The following CUL1 variants were observed in gnomAD, a reference collection of about 807,000 sequenced individuals.
CUL1 encodes cullin 1.
Under a neutral mutation model 118.0 loss-of-function variants are expected in CUL1, and 24 were observed. The observed-to-expected ratio is 0.20, with a 90% CI of 0.15 to 0.29. The LOEUF is 0.29. Among genes scored for constraint, CUL1 ranks in the 10% least tolerant of loss-of-function variants. The pLI is 1.00. For missense variants in CUL1, 361 were observed against 933.8 expected (o/e 0.39, Z 7.99); for synonymous variants, 332 against 340.4 (o/e 0.98, Z 0.27).
chr7:148,724,140 G>T (rs1798484370), intron 1 of CUL1, among the ~76,000 whole-genome samples: 1 of 152,176 alleles, frequency 6.6e-6, no homozygotes, highest in Non-Finnish European at 1.5e-5. Flanking sequence ...TATCAAAGAA[G>T]ATATATTTTT....
intron 9 of CUL1, among the ~76,000 whole-genome samples, chr7:148,773,798 A>G (rs1800304271): frequency 6.6e-6 from 1 of 152,058 alleles, no homozygotes; most frequent in Non-Finnish European, 1.5e-5. Context: ...CCCAGCTCAA[A>G]AGTTTTCTCA....
intron 2 of CUL1, among the ~76,000 whole-genome samples, chr7:148,733,587 G>T (rs139436809): frequency 6.6e-6 from 1 of 152,134 alleles, no homozygotes; most frequent in African/African-American, 2.4e-5. Context: ...AGGCTTGCTC[G>T]CTGTGACATC....
At chr7:148,738,421 C>T (rs372026662) in intron 2 of CUL1, among the ~76,000 whole-genome samples, 3 of 152,180 alleles carry the variant, frequency 2.0e-5, no homozygotes, top group African/African-American at 7.2e-5. Flanking sequence ...TGGCAGACAA[C>T]GTTTCTAGGA....
Position 148,800,078 on chromosome 7 carries a change from C to G in CUL1, c.2251-424C>G, listed in dbSNP as rs761123879. Among the ~76,000 whole-genome samples the G allele has an allele frequency of 6.6e-6, 1 of 152,182 alleles. No individual in the cohort carries two copies. The highest frequency in any genetic ancestry group is 1.5e-5 in the Non-Finnish European group (1 of 68,024). On this transcript the variant is annotated intron_variant, in intron 21 of 21. Coordinates refer to ENST00000325222, the MANE Select transcript of CUL1 (RefSeq NM_003592.3). This position sits in a 1 kb window ranked among gnomAD's most constrained non-coding sequence, Gnocchi z 4.6. Reference sequence around the variant, plus strand: ...AACAGGCAGGAGGCCCAGTGTCCCTCCTGGGTTACATTTGGCACAGGTGCC... The same window carrying G: ...AACAGGCAGGAGGCCCAGTGTCCCTGCTGGGTTACATTTGGCACAGGTGCC...
chr7:148,798,820 C>T (rs1434374618), intron 20 of CUL1, 143 bp downstream of exon 20: 19 of 718,020 alleles, frequency 2.6e-5, no homozygotes, highest in East Asian at 1.5e-4. Context: ...GTGGCAAGGC[C>T]GAGAGCCAGG....
At chr7:148,700,946 C>G (rs1038757564) in intron 1 of CUL1, among the ~76,000 whole-genome samples, 1 of 152,150 alleles carries the variant, frequency 6.6e-6, no homozygotes, top group Non-Finnish European at 1.5e-5. Context: ...TGAGCTGATT[C>G]TGCATGGTTT....
intron 2 of CUL1, among the ~76,000 whole-genome samples, chr7:148,745,874 T>A (rs1255054555): frequency 6.6e-6 from 1 of 152,140 alleles, no homozygotes; most frequent in African/African-American, 2.4e-5. Flanking sequence ...TCTCTTCAAT[T>A]TAGATATACG....
intron 9 of CUL1, among the ~76,000 whole-genome samples, chr7:148,782,451 A>G (rs141788018): frequency 1.1e-4 from 17 of 152,348 alleles, no homozygotes; most frequent in African/African-American, 4.1e-4. Context: ...TAAGATGGTA[A>G]TTTTAAAATA....
At chr7:148,769,339 T>TA (rs1224178002) in intron 9 of CUL1, among the ~76,000 whole-genome samples, 2 of 151,074 alleles carry the variant, frequency 1.3e-5, no homozygotes, top group African/African-American at 2.4e-5. Flanking sequence ...ATTTCAAAAT[T>TA]ACCCTTCAGT....
At chr7:148,784,188 C>T in intron 11 of CUL1, 111 bp downstream of exon 11, 1 of 853,244 alleles carries the variant, frequency 1.2e-6, no homozygotes, top group South Asian at 1.6e-5. Context: ...AATTTTTGTA[C>T]CTTATGAGAA....
chr7:148,747,203 G>A (rs1411975001), intron 2 of CUL1, among the ~76,000 whole-genome samples: 2 of 152,090 alleles, frequency 1.3e-5, no homozygotes, highest in African/African-American at 4.8e-5. Context: ...CATTGGGTTT[G>A]TTTTTTTAAA....
chr7:148,785,578 C>T (rs1016872320), intron 11 of CUL1, among the ~76,000 whole-genome samples: 3 of 148,288 alleles, frequency 2.0e-5, no homozygotes, highest in Non-Finnish European at 4.5e-5. Flanking sequence ...TGGCCAGGCT[C>T]GTCTCGAACT....
At chr7:148,766,985 T>G (rs1037058907) in intron 8 of CUL1, among the ~76,000 whole-genome samples, 1 of 152,220 alleles carries the variant, frequency 6.6e-6, no homozygotes, top group Non-Finnish European at 1.5e-5. Context: ...TTTTCTTGAC[T>G]GTTCTTCCTT....
chr7:148,703,850 T>C (rs1051279617), intron 1 of CUL1, among the ~76,000 whole-genome samples: 2 of 152,072 alleles, frequency 1.3e-5, no homozygotes, highest in African/African-American at 2.4e-5. Context: ...TTTAAAGTAG[T>C]AAAAATGGCT....
intron 9 of CUL1, 139 bp downstream of exon 9, chr7:148,767,888 G>T: frequency 1.2e-6 from 1 of 857,498 alleles, no homozygotes; most frequent in Non-Finnish European, 1.8e-6. Context: ...TTGTCTTTTT[G>T]AAGTAGATAG....
At chr7:148,750,841 C>T (rs984695687) in intron 2 of CUL1, among the ~76,000 whole-genome samples, 5 of 151,998 alleles carry the variant, frequency 3.3e-5, no homozygotes, top group Non-Finnish European at 5.9e-5. Flanking sequence ...TGTGGTGACC[C>T]GTGCCTGTAT....
At chr7:148,790,263 G>A (rs1479074985) in intron 15 of CUL1, 47 bp from the exon 16 acceptor site, 1 of 1,603,600 alleles carries the variant, frequency 6.2e-7, no homozygotes, top group Non-Finnish European at 8.5e-7. Flanking sequence ...GCTGCCTGTA[G>A]GATGTGGTGA....
chr7:148,775,340 A>T (rs1005203124), intron 9 of CUL1, among the ~76,000 whole-genome samples: 1 of 152,182 alleles, frequency 6.6e-6, no homozygotes, highest in African/African-American at 2.4e-5. Context: ...TTCAAAGGAG[A>T]TAGGATACAC....
chr7:148,731,163 G>A (rs1468949380), intron 2 of CUL1, among the ~76,000 whole-genome samples: 1 of 152,178 alleles, frequency 6.6e-6, no homozygotes, highest in Non-Finnish European at 1.5e-5. Flanking sequence ...CCCACTATTC[G>A]TGTGGTTGGA....
Sources: gnomAD v4.1 joint callset for allele counts (sites outside exome capture counted in the v4.1 genomes callset) on GRCh38, gnomAD v4.1.1 for gene constraint, Gnocchi (gnomAD v3.1) non-coding constraint, MANE v1.5 for transcripts, NCBI Gene and HGNC (gene_info 2026-07-23, HGNC 2026-07-21) for gene names.